SERTAD2: variants seen among roughly 807,000 people sequenced by gnomAD.
SERTAD2 encodes the protein SERTA domain containing 2.
A neutral mutation model predicts 15.4 loss-of-function variants in SERTAD2; 2 were observed. That is an observed-to-expected ratio of 0.13 (90% CI 0.05 to 0.41). The LOEUF (loss-of-function observed/expected upper bound fraction) is 0.41. Among genes scored for constraint, SERTAD2 ranks in the 10% least tolerant of loss-of-function variants. The pLI is 0.99. For missense variants in SERTAD2, 333 were observed against 409.7 expected (o/e 0.81, Z 1.62); for synonymous variants, 180 against 178.0 (o/e 1.01, Z -0.09).
intron 1 of SERTAD2, among the ~76,000 whole-genome samples, 158 bp downstream of exon 1, chr2:64,653,462 A>T (rs997254757): frequency 6.6e-6 from 1 of 151,332 alleles, no homozygotes; most frequent in Non-Finnish European, 1.5e-5. Context: ...CTCCTCCCGT[A>T]CCTGCTCCGT....
intron 1 of SERTAD2, among the ~76,000 whole-genome samples, chr2:64,638,807 A>G (rs964405154): frequency 6.6e-6 from 1 of 152,278 alleles, no homozygotes; most frequent in Non-Finnish European, 1.5e-5. Flanking sequence ...AGTGATAGAC[A>G]TATTTCCTAC....
Position 64,636,548 on chromosome 2 carries a change from G to A in SERTAD2, c.324C>T (p.Ser108=). The stretch of plus-strand genomic sequence containing the variant: ...GGTGGGAGGACGGGGACGCCAGGTG[G>A]CTGAAGGCCGGCGGGGCCTCTCGGT... ...DSYREAPPAF[S]HLASPSSHPC... Residue 108 remains serine (S), a synonymous_variant, in exon 2 of 2, where the codon AGC becomes AGT. Coordinates refer to ENST00000313349, the MANE Select transcript of SERTAD2 (RefSeq NM_014755.3). 6.3e-7 allele frequency: 1 copy of A among 1,597,858 alleles called. No homozygotes were observed. The highest frequency in any genetic ancestry group is 8.5e-7 in the Non-Finnish European group (1 of 1,170,312).
chr2:64,634,171 T>C lies in SERTAD2; in HGVS notation c.*1756A>G, dbSNP rs1674602245. The C allele has an allele frequency of 1.3e-5, 2 of 152,100 alleles. No homozygotes were observed. Among genetic ancestry groups the C allele is most frequent in the Non-Finnish European group, 2.9e-5 (2 of 68,024 alleles). 9.4% of individuals were successfully genotyped at this position (152,100 alleles called of 1,614,324 possible). ...ATTTTTAAATAAATATAAAAGTTAT[T>C]CCTAAAGAAGCCATCTGCATAACAA... On this transcript the variant is annotated 3_prime_UTR_variant, in exon 2 of 2. Coordinates refer to ENST00000313349, the MANE Select transcript of SERTAD2 (RefSeq NM_014755.3).
chr2:64,635,924 G>A lies in SERTAD2; in HGVS notation c.*3C>T, dbSNP rs1373140661. Reference sequence around the variant, plus strand: ...GTGGGCATAGTCGCTGGGTCCCTGGGTCTTAGGACCCAACAAGCACCTCCA... The same window carrying A: ...GTGGGCATAGTCGCTGGGTCCCTGGATCTTAGGACCCAACAAGCACCTCCA... On this transcript the variant is annotated 3_prime_UTR_variant, in exon 2 of 2. Coordinates refer to ENST00000313349, the MANE Select transcript of SERTAD2 (RefSeq NM_014755.3). 1 of 1,609,168 alleles carries A rather than the reference G, an allele frequency of 6.2e-7. No individual in the cohort carries two copies. Among genetic ancestry groups the A allele is most frequent in the East Asian group, 2.2e-5 (1 of 44,820 alleles).
intron 1 of SERTAD2, among the ~76,000 whole-genome samples, chr2:64,646,237 G>A (rs913045568): frequency 2.6e-5 from 4 of 152,048 alleles, no homozygotes; most frequent in African/African-American, 7.3e-5. Flanking sequence ...AGTACAAGGC[G>A]GTGCTTTGTA....
At chr2:64,651,005 T>C (rs1373196033) in intron 1 of SERTAD2, among the ~76,000 whole-genome samples, 2 of 152,192 alleles carry the variant, frequency 1.3e-5, no homozygotes, top group African/African-American at 4.8e-5. Flanking sequence ...CTATCTCCTA[T>C]AGGATATGCC....
intron 1 of SERTAD2, among the ~76,000 whole-genome samples, chr2:64,645,858 A>G (rs1385213729): frequency 6.6e-6 from 1 of 152,190 alleles, no homozygotes; most frequent in African/African-American, 2.4e-5. Flanking sequence ...ATGGACACCA[A>G]TTACCTTCTT....
rs752592998 is a variant in SERTAD2, at chr2:64,634,907, T to C, written c.*1020A>G. 1 of 152,660 alleles carries C rather than the reference T, an allele frequency of 6.6e-6. No individual in the cohort carries two copies. The highest frequency in any genetic ancestry group is 1.5e-5 in the Non-Finnish European group (1 of 68,034). 9.5% of individuals were successfully genotyped at this position (152,660 alleles called of 1,614,324 possible). Reference sequence around the variant, plus strand: ...ATAAATACACTCTTAAGAAAGACAGTAGCTTTACCCTCAAAAGAGGGAGCA... The same window carrying C: ...ATAAATACACTCTTAAGAAAGACAGCAGCTTTACCCTCAAAAGAGGGAGCA... On this transcript the variant is annotated 3_prime_UTR_variant, in exon 2 of 2. Coordinates refer to ENST00000313349, the MANE Select transcript of SERTAD2 (RefSeq NM_014755.3).
chr2:64,639,412 G>C lies in SERTAD2; in HGVS notation c.-4-2537C>G, dbSNP rs149077790. Among the ~76,000 whole-genome samples, 25 of 152,176 alleles carry C rather than the reference G, an allele frequency of 1.6e-4. No individual in the cohort carries two copies. The East Asian group carries it at 4.8e-3, about 29-fold the overall frequency. On this transcript the variant is annotated intron_variant, in intron 1 of 1. Coordinates refer to ENST00000313349, the MANE Select transcript of SERTAD2 (RefSeq NM_014755.3). ...ATAATTATTTTTATTGTGTCTTACT[G>C]AAGTCTGTGAAAGATTGGGGGGCCA...
Position 64,636,053 on chromosome 2 carries a change from A to G in SERTAD2, c.819T>C (p.Pro273=). ...TTTTGAGGAGGTCGTCGGCAGACAC[A>G]GGGGCCATTTTTGAGGCTGTCCCTG... ...SSSGTASKMA[P]VSADDLLKTL... The change falls in exon 2 of 2, where the codon CCT becomes CCC. Residue 273 remains proline (P), a synonymous_variant. Transcript: ENST00000313349. 5.6e-6 allele frequency: 9 copies of G among 1,614,076 alleles called. No individual in the cohort carries two copies. The highest frequency in any genetic ancestry group is 6.8e-6 in the Non-Finnish European group (8 of 1,179,980).
At position 64,635,710 on chromosome 2, in the gene SERTAD2, G is replaced by A. The variant is rs1171518478; in HGVS notation, c.*217C>T. 6.4e-5 allele frequency: 33 copies of A among 514,204 alleles called. No homozygotes were observed. Among genetic ancestry groups the A allele is most frequent in the East Asian group, 1.8e-4 (6 of 33,236 alleles). 31.9% of individuals were successfully genotyped at this position (514,204 alleles called of 1,614,324 possible). ...ATTCTTTCCTATACCAGGGTAGTAG[G>A]TCTCTGAGGAACCACTCAAAAAAGT... is the stretch of plus-strand genomic sequence containing the variant. On this transcript the variant is annotated 3_prime_UTR_variant, in exon 2 of 2. Coordinates refer to ENST00000313349, the MANE Select transcript of SERTAD2 (RefSeq NM_014755.3).
In SERTAD2 at chr2:64,648,655, C is replaced by G. The variant is rs1407824678; in HGVS notation, c.-5+4965G>C. ...GGTCTTCATGGAAAGCCTTCCTCAACCTCCCCAGCCTGCCACCCCCAGCCT... is the reference window on the plus strand; with the variant it reads ...GGTCTTCATGGAAAGCCTTCCTCAAGCTCCCCAGCCTGCCACCCCCAGCCT... On this transcript the variant is annotated intron_variant, in intron 1 of 1. Transcript: ENST00000313349. Among the ~76,000 whole-genome samples, 3 of 152,194 alleles carry G rather than the reference C, an allele frequency of 2.0e-5. No homozygotes were observed. The East Asian group carries it at 5.8e-4, about 29-fold the overall frequency.
chr2:64,650,196 G>A (rs185199953), intron 1 of SERTAD2, among the ~76,000 whole-genome samples: 5 of 152,224 alleles, frequency 3.3e-5, no homozygotes, highest in Admixed American at 3.3e-4. Context: ...GAGAGTTTGC[G>A]CTGTCTATAT....
At chr2:64,641,567 C>T (rs1007826412) in intron 1 of SERTAD2, among the ~76,000 whole-genome samples, 3 of 152,136 alleles carry the variant, frequency 2.0e-5, no homozygotes, top group Non-Finnish European at 4.4e-5. Context: ...TAGATGGTCA[C>T]TGAATACACG....
intron 1 of SERTAD2, among the ~76,000 whole-genome samples, chr2:64,642,245 A>C (rs924738682): frequency 6.6e-6 from 1 of 152,212 alleles, no homozygotes; most frequent in African/African-American, 2.4e-5. Context: ...TCAGGGTCTC[A>C]AACTGATGTG....
chr2:64,643,734 C>G (rs1012694104), intron 1 of SERTAD2, among the ~76,000 whole-genome samples: 1 of 152,100 alleles, frequency 6.6e-6, no homozygotes, highest in Non-Finnish European at 1.5e-5. Flanking sequence ...CAGGCGGTGG[C>G]GGGTACCTGT....
In SERTAD2 at chr2:64,634,929, A is replaced by G. The variant is rs1674624184; in HGVS notation, c.*998T>C. 1 of 152,676 alleles carries G rather than the reference A, an allele frequency of 6.5e-6. No individual in the cohort carries two copies. Among genetic ancestry groups the G allele is most frequent in the Admixed American group, 6.5e-5 (1 of 15,286 alleles). 9.5% of individuals were successfully genotyped at this position (152,676 alleles called of 1,614,324 possible). ...CAGTAGCTTTACCCTCAAAAGAGGG[A>G]GCAAAAGAGAACCATCACTTAAACC... On this transcript the variant is annotated 3_prime_UTR_variant, in exon 2 of 2. Coordinates refer to ENST00000313349, the MANE Select transcript of SERTAD2 (RefSeq NM_014755.3).
At chr2:64,649,652 A>C (rs1315296668) in intron 1 of SERTAD2, among the ~76,000 whole-genome samples, 1 of 152,234 alleles carries the variant, frequency 6.6e-6, no homozygotes, top group Non-Finnish European at 1.5e-5. Flanking sequence ...AGTGACAAAA[A>C]AGATAGTAAG....
At chr2:64,644,181 A>G (rs772915908) in intron 1 of SERTAD2, among the ~76,000 whole-genome samples, 2 of 152,228 alleles carry the variant, frequency 1.3e-5, no homozygotes, top group African/African-American at 2.4e-5. Flanking sequence ...GTGGAAACAC[A>G]TTCATACTCC....
Sources: allele counts gnomAD v4.1 joint callset (sites outside exome capture counted in the v4.1 genomes callset), GRCh38; gene constraint gnomAD v4.1.1; transcripts MANE v1.5; gene names NCBI Gene and HGNC (gene_info 2026-07-23, HGNC 2026-07-21).